Variants in NRG1 observed in about 807,000 individuals in gnomAD.
NRG1 encodes the protein neuregulin 1.
Under a neutral mutation model 63.8 loss-of-function variants are expected in NRG1, and 18 were observed. That is an observed-to-expected ratio of 0.28 (90% CI 0.19 to 0.42). NRG1 has a LOEUF of 0.42. NRG1 is among the 10% of genes least tolerant of loss of function. NRG1 has a pLI of 1.00. For synonymous variants in NRG1, 302 were observed against 301.3 expected (o/e 1.00, Z -0.02); for missense variants, 762 against 814.7 (o/e 0.94, Z 0.79).
chr8:31,917,204 G>A (rs1356527974), intron 1 of NRG1, among the ~76,000 whole-genome samples: 11 of 99,874 alleles, frequency 1.1e-4, no homozygotes, highest in South Asian at 4.1e-4. Context: ...AAGCTCTTTA[G>A]TTTAATTAGA....
intron 1 of NRG1, among the ~76,000 whole-genome samples, chr8:32,018,134 C>A (rs1409184304): frequency 6.6e-6 from 1 of 152,190 alleles, no homozygotes; most frequent in Non-Finnish European, 1.5e-5. Context: ...TTTATAATAT[C>A]ACAGACACAT....
rs141067116 is a variant in NRG1, at chr8:32,687,129, C to G, written c.503-40820C>G. Among the ~76,000 whole-genome samples, 89 of 152,162 alleles carry G rather than the reference C, an allele frequency of 5.8e-4. 1 individual carries two copies. In the East Asian group the frequency reaches 0.011, roughly 18 times the overall value. On this transcript the variant is annotated intron_variant, in intron 5 of 11. Coordinates refer to ENST00000356819, the Ensembl canonical transcript of NRG1. Reference sequence around the variant, plus strand: ...CGTGCAACCACTTTAGCATACCACTCTATATTAATAGAATAGAAAAGATAA... The same window carrying G: ...CGTGCAACCACTTTAGCATACCACTGTATATTAATAGAATAGAAAAGATAA...
intron 1 of NRG1, among the ~76,000 whole-genome samples, chr8:32,206,411 G>C (rs1183620587): frequency 1.3e-5 from 2 of 152,070 alleles, no homozygotes; most frequent in Non-Finnish European, 2.9e-5. Context: ...GCATAGAAGG[G>C]AAAAACAGAG....
intron 1 of NRG1, among the ~76,000 whole-genome samples, chr8:31,853,711 C>T (rs957833121): frequency 6.6e-5 from 10 of 150,788 alleles, no homozygotes; most frequent in African/African-American, 2.4e-4. Flanking sequence ...GGAATGCTTC[C>T]AGTTTTTGCC....
intron 5 of NRG1, among the ~76,000 whole-genome samples, chr8:32,649,770 C>G (rs1854596942): frequency 6.6e-6 from 1 of 152,200 alleles, no homozygotes; most frequent in Non-Finnish European, 1.5e-5. Flanking sequence ...CATGCAGACG[C>G]TGCTTTGTAT....
At chr8:32,112,304 A>G (rs1352879032) in intron 1 of NRG1, among the ~76,000 whole-genome samples, 1 of 152,202 alleles carries the variant, frequency 6.6e-6, no homozygotes, top group Non-Finnish European at 1.5e-5. Context: ...GAATTATTCC[A>G]GAAAGTGAGG....
At chr8:31,703,766 T>A (rs1810858464) in intron 1 of NRG1, among the ~76,000 whole-genome samples, 2 of 152,240 alleles carry the variant, frequency 1.3e-5, no homozygotes, top group Non-Finnish European at 2.9e-5. Context: ...GTCAGGAATC[T>A]GAATTTTGAG....
At chr8:31,651,200 A>T (rs766051527) in intron 1 of NRG1, among the ~76,000 whole-genome samples, 23 of 152,164 alleles carry the variant, frequency 1.5e-4, no homozygotes, top group Non-Finnish European at 2.9e-4. Flanking sequence ...TCTTATCTCC[A>T]TGGCCTTTTT....
intron 1 of NRG1, among the ~76,000 whole-genome samples, chr8:32,353,058 A>G (rs1309795135): frequency 6.6e-6 from 1 of 150,672 alleles, no homozygotes; most frequent in Admixed American, 6.6e-5. Flanking sequence ...AATTTTTAAA[A>G]TTTACAAATT....
intron 1 of NRG1, among the ~76,000 whole-genome samples, chr8:32,572,986 A>G (rs762860469): frequency 2.0e-5 from 3 of 152,210 alleles, no homozygotes; most frequent in Non-Finnish European, 2.9e-5. Context: ...TGTATATCCT[A>G]TCCCCACTTG....
intron 1 of NRG1, among the ~76,000 whole-genome samples, chr8:31,720,692 T>C (rs1192303697): frequency 1.3e-5 from 2 of 152,202 alleles, no homozygotes; most frequent in African/African-American, 4.8e-5. Flanking sequence ...GAAATGGCCT[T>C]GGACCTAATT....
At chr8:32,591,247 G>A (rs1842475820) in intron 1 of NRG1, among the ~76,000 whole-genome samples, 1 of 152,150 alleles carries the variant, frequency 6.6e-6, no homozygotes, top group Non-Finnish European at 1.5e-5. Flanking sequence ...GGACTTCTAG[G>A]GATGCAAAGT....
intron 1 of NRG1, among the ~76,000 whole-genome samples, chr8:31,728,488 C>CT (rs549935965): frequency 3.9e-5 from 6 of 151,940 alleles, no homozygotes; most frequent in East Asian, 1.9e-4. Flanking sequence ...GATTGCATCA[C>CT]TTTTTTTTAA....
chr8:32,772,706 T>A (rs1589683008), downstream of NRG1, among the ~76,000 whole-genome samples: 1 of 152,118 alleles, frequency 6.6e-6, no homozygotes, highest in Non-Finnish European at 1.5e-5. Flanking sequence ...AAGTGAACTT[T>A]TCATCTTCTT....
intron 1 of NRG1, among the ~76,000 whole-genome samples, chr8:32,471,137 C>T (rs1440101253): frequency 6.6e-6 from 1 of 152,152 alleles, no homozygotes; most frequent in East Asian, 1.9e-4. Context: ...GAAATATGAA[C>T]AGCCAATTCC....
At chr8:32,342,469 T>C (rs891527386) in intron 1 of NRG1, among the ~76,000 whole-genome samples, 1 of 152,206 alleles carries the variant, frequency 6.6e-6, no homozygotes, top group Non-Finnish European at 1.5e-5. Context: ...CTACTGTTGT[T>C]ATCCATCTTA....
At chr8:32,761,898 G>A (rs184836265) in intron 11 of NRG1, among the ~76,000 whole-genome samples, 16 of 152,080 alleles carry the variant, frequency 1.1e-4, no homozygotes, top group African/African-American at 3.9e-4. Flanking sequence ...AATTAGCTGG[G>A]TATGGTGGTG....
intron 5 of NRG1, among the ~76,000 whole-genome samples, chr8:32,686,339 T>C (rs866424522): frequency 9.9e-5 from 15 of 152,168 alleles, no homozygotes; most frequent in Middle Eastern, 3.4e-3. Context: ...GAAAAGGAAA[T>C]GGAAATAAAG....
chr8:32,120,216 A>G (rs1362926412), intron 1 of NRG1, among the ~76,000 whole-genome samples: 5 of 152,090 alleles, frequency 3.3e-5, no homozygotes, highest in African/African-American at 1.2e-4. Context: ...CAAAAGAAAT[A>G]TGTCTTAGAT....
Sources: allele counts gnomAD v4.1 joint callset (sites outside exome capture counted in the v4.1 genomes callset), GRCh38; gene constraint gnomAD v4.1.1; transcripts MANE v1.5; gene names NCBI Gene and HGNC (gene_info 2026-07-23, HGNC 2026-07-21).